SKIC3: variants seen among roughly 807,000 people sequenced by gnomAD.
SKIC3 encodes SKI3 subunit of superkiller complex, also known as superkiller complex protein 3.
chr5:95,519,974 T>C, the SKIC3 span, among the ~76,000 whole-genome samples: 1 of 152,054 alleles, frequency 6.6e-6, no homozygotes, highest in Non-Finnish European at 1.5e-5. Flanking sequence ...TAGGTTTTCA[T>C]TTCATATTTG....
At chr5:95,531,036 G>T in the SKIC3 span, among the ~76,000 whole-genome samples, 1 of 151,050 alleles carries the variant, frequency 6.6e-6, no homozygotes. Flanking sequence ...ACAACTTGAA[G>T]CAATAAATAT....
chr5:95,507,513 CGTGT>C, the SKIC3 span, among the ~76,000 whole-genome samples: 1 of 152,146 alleles, frequency 6.6e-6, no homozygotes, highest in South Asian at 2.1e-4. Context: ...CTGCTGACAA[CGTGT>C]ATTTCCTTCT....
the SKIC3 span, among the ~76,000 whole-genome samples, chr5:95,480,399 T>C: frequency 2.6e-5 from 4 of 152,152 alleles, no homozygotes; most frequent in Non-Finnish European, 5.9e-5. Flanking sequence ...TTAAAAATTA[T>C]GCAAAGCACT....
the SKIC3 span, among the ~76,000 whole-genome samples, chr5:95,533,989 A>T: frequency 1.3e-5 from 2 of 152,344 alleles, no homozygotes; most frequent in Admixed American, 1.3e-4. Flanking sequence ...GCCAAGGCTG[A>T]GGTAATGGTG....
At chr5:95,541,760 G>T in the SKIC3 span, 1 of 1,270,260 alleles carries the variant, frequency 7.9e-7, no homozygotes, top group Non-Finnish European at 1.1e-6. Context: ...TTTTTAATCA[G>T]TTTATTAAAA....
At chr5:95,545,436 C>T in the SKIC3 span, among the ~76,000 whole-genome samples, 1 of 152,282 alleles carries the variant, frequency 6.6e-6, no homozygotes, top group East Asian at 1.9e-4. Flanking sequence ...CAATTCCCTC[C>T]CTACCACTCT....
At chr5:95,548,570 A>T in the SKIC3 span, 2 of 152,042 alleles carry the variant, frequency 1.3e-5, no homozygotes, top group Non-Finnish European at 2.9e-5. Flanking sequence ...CTTATCTGAA[A>T]TTATCTTGGT....
At chr5:95,531,875 C>T in the SKIC3 span, among the ~76,000 whole-genome samples, 2 of 152,060 alleles carry the variant, frequency 1.3e-5, no homozygotes, top group Non-Finnish European at 2.9e-5. Context: ...AGCATGGCAT[C>T]TGATATGTGG....
At chr5:95,466,249 GAAGTA>G in the SKIC3 span, among the ~76,000 whole-genome samples, 15 of 152,160 alleles carry the variant, frequency 9.9e-5, no homozygotes, top group African/African-American at 3.6e-4. Context: ...CATAGCATGA[GAAGTA>G]GAGTAGAAAC....
chr5:95,528,548 G>C, the SKIC3 span, among the ~76,000 whole-genome samples: 1 of 152,178 alleles, frequency 6.6e-6, no homozygotes, highest in Admixed American at 6.5e-5. Context: ...CTGTTTCTTA[G>C]TTACAGGGAG....
chr5:95,481,906 C>T, the SKIC3 span, among the ~76,000 whole-genome samples: 1 of 152,050 alleles, frequency 6.6e-6, no homozygotes, highest in African/African-American at 2.4e-5. Flanking sequence ...CTCTGGGGCA[C>T]AGAGGAAATA....
At chr5:95,509,627 T>A in the SKIC3 span, 1 of 1,613,988 alleles carries the variant, frequency 6.2e-7, no homozygotes, top group Non-Finnish European at 8.5e-7. Flanking sequence ...CTTTTTCAGT[T>A]GTAGATGTTC....
chr5:95,486,941 T>C, the SKIC3 span, among the ~76,000 whole-genome samples: 1 of 152,148 alleles, frequency 6.6e-6, no homozygotes, highest in Admixed American at 6.5e-5. Context: ...ATACTGAGTG[T>C]CAACTTGATT....
At chr5:95,478,819 AT>A in the SKIC3 span, among the ~76,000 whole-genome samples, 1 of 152,126 alleles carries the variant, frequency 6.6e-6, no homozygotes, top group South Asian at 2.1e-4. Context: ...AAGACCCATT[AT>A]TTTTTAAGAA....
the SKIC3 span, among the ~76,000 whole-genome samples, chr5:95,544,884 G>A: frequency 6.6e-6 from 1 of 152,316 alleles, no homozygotes; most frequent in East Asian, 1.9e-4. Context: ...CTTCCCTGAA[G>A]GGATACTCAT....
At chr5:95,528,292 G>A in the SKIC3 span, 23 of 1,010,752 alleles carry the variant, frequency 2.3e-5, 1 homozygote, top group South Asian at 3.3e-4. Flanking sequence ...ATAACTCAAA[G>A]CTAAATATAA....
chr5:95,487,018 T>C, the SKIC3 span, among the ~76,000 whole-genome samples: 5 of 152,140 alleles, frequency 3.3e-5, no homozygotes, highest in African/African-American at 4.8e-5. Flanking sequence ...GAGAATAACA[T>C]GTGAGTCAGT....
chr5:95,542,563 C>T, the SKIC3 span, among the ~76,000 whole-genome samples: 1 of 152,184 alleles, frequency 6.6e-6, no homozygotes, highest in Non-Finnish European at 1.5e-5. Context: ...TATCCTAAAC[C>T]ACTCAGTCCA....
chr5:95,485,406 C>T, the SKIC3 span, among the ~76,000 whole-genome samples: 2 of 152,196 alleles, frequency 1.3e-5, no homozygotes, highest in Non-Finnish European at 1.5e-5. Context: ...AACTCTTTGG[C>T]ATCTTTCACA....
Sources: gnomAD v4.1 joint callset for allele counts (sites outside exome capture counted in the v4.1 genomes callset) on GRCh38, gnomAD v4.1.1 for gene constraint, MANE v1.5 for transcripts, NCBI Gene and HGNC (gene_info 2026-07-23, HGNC 2026-07-21) for gene names.